The following ATP6V0D1 variants were observed in gnomAD, a reference collection of about 807,000 sequenced individuals.
ATP6V0D1 encodes the protein ATPase H+ transporting V0 subunit d1.
ATP6V0D1 carries 13 observed loss-of-function variants against 39.0 expected under a neutral mutation model. The observed-to-expected ratio is 0.33, with a 90% CI of 0.22 to 0.53. The LOEUF is 0.53. ATP6V0D1 is among the 20% of genes least tolerant of loss of function. ATP6V0D1 has a pLI of 0.94. For missense variants in ATP6V0D1, 272 were observed against 470.9 expected (o/e 0.58, Z 3.91); for synonymous variants, 191 against 191.2 (o/e 1.00, Z 0.01).
chr16:67,472,666 G>C (rs1166233126), intron 1 of ATP6V0D1, among the ~76,000 whole-genome samples: 2 of 152,170 alleles, frequency 1.3e-5, no homozygotes, highest in Admixed American at 1.3e-4. Flanking sequence ...AGGAGATCGA[G>C]ACCATCCTGG....
At chr16:67,457,375 C>T in intron 1 of ATP6V0D1, 2 of 340,156 alleles carry the variant, frequency 5.9e-6, no homozygotes, top group South Asian at 4.6e-5. Context: ...TCCTCTCCTC[C>T]CCACTCTGCA....
chr16:67,474,748 C>T (rs1336052384), intron 1 of ATP6V0D1, among the ~76,000 whole-genome samples: 1 of 152,200 alleles, frequency 6.6e-6, no homozygotes, highest in Non-Finnish European at 1.5e-5. Context: ...AAGCTCAGAA[C>T]TGTCACACCT....
At chr16:67,452,170 C>T (rs2041188293) in intron 2 of ATP6V0D1, 2 of 1,509,658 alleles carry the variant, frequency 1.3e-6, no homozygotes, top group East Asian at 4.9e-5. Context: ...CAATGTGACC[C>T]CTAATGTAGC....
chr16:67,448,293 AG>A (rs10706529), intron 2 of ATP6V0D1, among the ~76,000 whole-genome samples: 31,507 of 151,924 alleles, frequency 0.21, 6,892 homozygotes, highest in African/African-American at 0.56. Context: ...TCAAGGCTGC[AG>A]GTGAGCTATG....
intron 7 of ATP6V0D1, 38 bp downstream of exon 7, chr16:67,438,755 G>A: frequency 1.2e-6 from 2 of 1,614,140 alleles, no homozygotes; most frequent in Non-Finnish European, 1.7e-6. Flanking sequence ...AAACCACCAG[G>A]TTGGCCTCCC....
Position 67,453,370 on chromosome 16 carries a change from C to T in ATP6V0D1, c.302+174G>A, listed in dbSNP as rs2041203032. Among the ~76,000 whole-genome samples, 1 of 152,192 alleles carries T rather than the reference C, an allele frequency of 6.6e-6. No individual in the cohort carries two copies. The highest frequency in any genetic ancestry group is 2.1e-4 in the South Asian group (1 of 4,830). ...GTTGTTGAATGACCACGCACACAGT[C>T]AGGGAGGACTCTGAAGGTAGGGTCC... On this transcript the variant is annotated intron_variant, in intron 2 of 7. Coordinates refer to ENST00000290949, the MANE Select transcript of ATP6V0D1 (RefSeq NM_004691.5). This position sits in a 1 kb window ranked among gnomAD's most constrained non-coding sequence, Gnocchi z 4.1.
chr16:67,458,160 A>G (rs1374597744), intron 1 of ATP6V0D1, among the ~76,000 whole-genome samples: 1 of 152,218 alleles, frequency 6.6e-6, no homozygotes, highest in South Asian at 2.1e-4. Context: ...CCTGGCTCCC[A>G]GACCCAGTGG....
At chr16:67,471,155 G>A (rs1381545584) in intron 1 of ATP6V0D1, among the ~76,000 whole-genome samples, 1 of 152,158 alleles carries the variant, frequency 6.6e-6, no homozygotes, top group Non-Finnish European at 1.5e-5. Flanking sequence ...GATCAATTCA[G>A]GGTAATTAGC....
intron 1 of ATP6V0D1, among the ~76,000 whole-genome samples, chr16:67,471,627 T>G (rs2041373913): frequency 6.6e-6 from 1 of 152,088 alleles, no homozygotes; most frequent in Non-Finnish European, 1.5e-5. Context: ...TTATACAGAT[T>G]AATCATCCCC....
At chr16:67,462,246 C>T (rs1368708138) in intron 1 of ATP6V0D1, among the ~76,000 whole-genome samples, 1 of 152,226 alleles carries the variant, frequency 6.6e-6, no homozygotes, top group East Asian at 1.9e-4. Flanking sequence ...GGCCACAGCC[C>T]AGCCTGAGAA....
intron 1 of ATP6V0D1, among the ~76,000 whole-genome samples, chr16:67,479,026 T>C (rs2041440525): frequency 6.6e-6 from 1 of 152,142 alleles, no homozygotes; most frequent in Admixed American, 6.5e-5. Flanking sequence ...TGCCAGGCCC[T>C]GTCCCAGGCA....
chr16:67,464,324 G>C (rs1355644446), intron 1 of ATP6V0D1, among the ~76,000 whole-genome samples: 1 of 152,132 alleles, frequency 6.6e-6, no homozygotes, highest in African/African-American at 2.4e-5. Context: ...AGATAAAGGG[G>C]GAAAAAAATC....
intron 1 of ATP6V0D1, among the ~76,000 whole-genome samples, chr16:67,479,845 G>A (rs1418876270): frequency 1.3e-5 from 2 of 152,088 alleles, no homozygotes; most frequent in Non-Finnish European, 2.9e-5. Context: ...GGGAGTGGTT[G>A]GCAAAGACTG....
intron 4 of ATP6V0D1, 150 bp downstream of exon 4, chr16:67,442,949 G>T: frequency 2.5e-6 from 2 of 797,262 alleles, no homozygotes; most frequent in East Asian, 2.5e-5. Context: ...TGCCCAGCAT[G>T]GGAGCCAGAG....
chr16:67,471,224 T>C (rs987842778), intron 1 of ATP6V0D1, among the ~76,000 whole-genome samples: 4 of 152,224 alleles, frequency 2.6e-5, no homozygotes, highest in Non-Finnish European at 5.9e-5. Context: ...TCTGGTTCTG[T>C]TGCCCAGACT....
In ATP6V0D1 at chr16:67,456,612, G is replaced by A. The variant is rs1386590824; in HGVS notation, c.131-2897C>T. 6.6e-6 allele frequency: 1 copy of A among 152,236 alleles called. No individual in the cohort carries two copies. Among genetic ancestry groups the A allele is most frequent in the Non-Finnish European group, 1.5e-5 (1 of 68,050 alleles). The allele number at this position is 152,236 out of a possible 1,614,324, so 9.4% of individuals were successfully genotyped here. ...GTGCGGCAGCTGCCAGACCAAACCT[G>A]TCTGCTTATTCACACAGCCACTGCA... On this transcript the variant is annotated intron_variant, in intron 1 of 7. Transcript: ENST00000290949. This position sits in a 1 kb window ranked among gnomAD's most constrained non-coding sequence, Gnocchi z 4.1.
chr16:67,439,299 G>A lies in ATP6V0D1; in HGVS notation c.614C>T (p.Ala205Val). Residue 205 changes from alanine to valine, a missense_variant, in exon 5 of 8, where the codon GCT becomes GTT. By Grantham distance (64) the Ala-to-Val change is moderately conservative. Around this residue, in one of 4 missense-constraint regions of ATP6V0D1, gnomAD observed 135 missense variants for 273.8 expected, o/e 0.49. Transcript: ENST00000290949. ...KFCTLLGGTT[A>V]DAMCPILEFE... ...CTCCAGGATGGGGCACATGGCATCA[G>A]CCGTAGTCCCGCCCAGTAGGGTGCA... 6.2e-7 allele frequency: 1 copy of A among 1,614,160 alleles called. No homozygotes were observed. Among genetic ancestry groups the A allele is most frequent in the Non-Finnish European group, 8.5e-7 (1 of 1,180,038 alleles).
intron 2 of ATP6V0D1, among the ~76,000 whole-genome samples, chr16:67,448,274 C>T (rs1324248206): frequency 7.1e-6 from 1 of 140,102 alleles, no homozygotes; most frequent in Non-Finnish European, 1.5e-5. Context: ...ATCACTTGAG[C>T]CCAGGAGATC....
chr16:67,473,049 C>T (rs2041386789), intron 1 of ATP6V0D1, among the ~76,000 whole-genome samples: 1 of 152,148 alleles, frequency 6.6e-6, no homozygotes, highest in Admixed American at 6.6e-5. Context: ...GGAACCAGCC[C>T]AATGCATCTA....
Sources: gnomAD v4.1 joint callset for allele counts (sites outside exome capture counted in the v4.1 genomes callset) on GRCh38, gnomAD v4.1.1 for gene constraint, gnomAD v4.1.1 regional missense constraint, Gnocchi (gnomAD v3.1) non-coding constraint, MANE v1.5 for transcripts, NCBI Gene and HGNC (gene_info 2026-07-23, HGNC 2026-07-21) for gene names.